Variants in SHROOM3 observed in about 807,000 individuals in gnomAD.
SHROOM3 encodes the protein shroom family member 3.
SHROOM3 carries 47 observed loss-of-function variants against 138.6 expected under a neutral mutation model. The observed-to-expected ratio is 0.34, with a 90% confidence interval of 0.27 to 0.43. SHROOM3 has a LOEUF of 0.43. Among genes scored for constraint, SHROOM3 ranks in the 20% least tolerant of loss-of-function variants. The pLI is 1.00. For synonymous variants in SHROOM3, 1,062 were observed against 1,063.3 expected, an observed-to-expected ratio of 1.00 and a Z score of 0.02; for missense variants, 2,491 against 2,596.5, an observed-to-expected ratio of 0.96 and a Z score of 0.88.
intron 4 of SHROOM3, among the ~76,000 whole-genome samples, chr4:76,732,267 T>C (rs1010159655): frequency 3.9e-5 from 6 of 152,066 alleles, no homozygotes; most frequent in Non-Finnish European, 8.8e-5. Context: ...TGCATGTGTG[T>C]TGGGGGGAGG....
intron 2 of SHROOM3, among the ~76,000 whole-genome samples, chr4:76,571,827 T>C (rs1423744209): frequency 6.6e-6 from 1 of 152,206 alleles, no homozygotes; most frequent in African/African-American, 2.4e-5. Flanking sequence ...TAAATGATGT[T>C]AGGATTCTGT....
chr4:76,465,360 T>G lies in SHROOM3; in HGVS notation c.168+29140T>G, dbSNP rs570925890. Among the ~76,000 whole-genome samples, 17 of 152,310 alleles carry G rather than the reference T, an allele frequency of 1.1e-4. No individual in the cohort carries two copies. The South Asian group carries it at 3.5e-3, about 32-fold the overall frequency. On this transcript the variant is annotated intron_variant, in intron 1 of 10. Transcript: ENST00000296043. ...TACACCTTTGGATCTGCTGCAGTGTTTATGCCAAGGCCATGCTCACCCCAG... is the reference window on the plus strand; with the variant it reads ...TACACCTTTGGATCTGCTGCAGTGTGTATGCCAAGGCCATGCTCACCCCAG...
intron 1 of SHROOM3, among the ~76,000 whole-genome samples, chr4:76,528,108 A>G (rs1215023113): frequency 1.3e-5 from 2 of 152,238 alleles, no homozygotes; most frequent in African/African-American, 2.4e-5. Context: ...AAATAGTAAC[A>G]GTGAATTAAT....
chr4:76,613,670 T>C (rs968795985), intron 2 of SHROOM3, among the ~76,000 whole-genome samples: 5 of 152,140 alleles, frequency 3.3e-5, no homozygotes, highest in African/African-American at 1.2e-4. Flanking sequence ...CCTCTTGTTA[T>C]AATGTTGATA....
intron 1 of SHROOM3, among the ~76,000 whole-genome samples, chr4:76,470,284 A>G (rs1731342455): frequency 6.6e-6 from 1 of 152,164 alleles, no homozygotes; most frequent in African/African-American, 2.4e-5. Flanking sequence ...TACTTTGAAA[A>G]CCACAAAGCA....
At chr4:76,754,272 C>A (rs1721728300) in intron 6 of SHROOM3, 39 bp from the exon 7 acceptor site, 1 of 1,613,792 alleles carries the variant, frequency 6.2e-7, no homozygotes, top group Non-Finnish European at 8.5e-7. Context: ...TTGCCCCTTT[C>A]TTCAGAGCTG....
At chr4:76,661,989 A>G (rs1197740187) in intron 2 of SHROOM3, among the ~76,000 whole-genome samples, 1 of 152,180 alleles carries the variant, frequency 6.6e-6, no homozygotes, top group Admixed American at 6.5e-5. Context: ...TAACCTTCCC[A>G]ACATGTGGTA....
Position 76,740,186 on chromosome 4 carries a change from T to G in SHROOM3, c.2013T>G (p.Ser671Arg). The change falls in exon 5 of 11, where the codon AGT becomes AGG. Residue 671 changes from serine (S) to arginine (R), a missense_variant. Transcript: ENST00000296043. This position sits in a 1 kb window ranked among gnomAD's most constrained non-coding sequence, Gnocchi z 4.0. ...AFSSLQNIPE[S>R]LRRHSSLELG... ...CATCTCTCCAGAACATTCCTGAGAG[T>G]CTGAGAAGACACAGCAGCCTGGAGC... 1.2e-6 allele frequency: 2 copies of G among 1,613,608 alleles called. No individual in the cohort carries two copies. Among genetic ancestry groups the G allele is most frequent in the Non-Finnish European group, 1.7e-6 (2 of 1,179,954 alleles).
At position 76,740,382 on chromosome 4, in the gene SHROOM3, A is replaced by T; in HGVS notation, c.2209A>T (p.Ser737Cys). ...GACCGGTGCCTCGGCTTCTTTCAAC[A>T]GCACAGACCCAAGTCCCGAAGAGCC... is the stretch of plus-strand genomic sequence containing the variant. ...GRTGASASFN[S>C]TDPSPEEPPA... Residue 737 changes from serine to cysteine, a missense_variant, in exon 5 of 11, where the codon AGC becomes TGC. By Grantham distance (112) the Ser-to-Cys change is moderately radical (BLOSUM62 -1). This residue lies in a region of SHROOM3 where 1,733 missense variants were observed against 1,661.6 expected (regional missense o/e 1.04). Transcript: ENST00000296043. This position sits in a 1 kb window ranked among gnomAD's most constrained non-coding sequence, Gnocchi z 4.0. 6.2e-7 allele frequency: 1 copy of T among 1,613,016 alleles called. No individual in the cohort carries two copies. Among genetic ancestry groups the T allele is most frequent in the Admixed American group, 1.7e-5 (1 of 60,026 alleles).
rs559891725 is a variant in SHROOM3, at chr4:76,600,056, G to A, written c.323+44293G>A. ...AGTCCCAGCTACTCAGGAGGCTGAG[G>A]TGGGAAGATGGCTTGAGCCCAGGAG... is the stretch of plus-strand genomic sequence containing the variant. On this transcript the variant is annotated intron_variant, in intron 2 of 10. Transcript: ENST00000296043. Among the ~76,000 whole-genome samples the A allele has an allele frequency of 2.6e-5, 4 of 152,304 alleles. 1 individual carries two copies. The highest frequency in any genetic ancestry group is 7.2e-5 in the African/African-American group (3 of 41,560).
Position 76,741,476 on chromosome 4 carries a change from C to A in SHROOM3, c.3303C>A (p.Ala1101=). Residue 1101 remains alanine, a synonymous_variant, in exon 5 of 11, where the codon GCC becomes GCA. Coordinates refer to ENST00000296043, the MANE Select transcript of SHROOM3 (RefSeq NM_020859.4). This position sits in a 1 kb window ranked among gnomAD's most constrained non-coding sequence, Gnocchi z 6.2. ...AGACCGGCAAGCGGCCTACCTCCGC[C>A]GCCGGCTGCAGCCTCCAGGAGCCCG... The part of the protein sequence containing the change: ...QRKTGKRPTS[A]AGCSLQEPGP... 1.3e-6 allele frequency: 2 copies of A among 1,561,416 alleles called. No homozygotes were observed. Among genetic ancestry groups the A allele is most frequent in the Non-Finnish European group, 1.7e-6 (2 of 1,157,228 alleles).
At chr4:76,607,514 A>G (rs1734647365) in intron 2 of SHROOM3, among the ~76,000 whole-genome samples, 1 of 152,196 alleles carries the variant, frequency 6.6e-6, no homozygotes, top group Non-Finnish European at 1.5e-5. Context: ...GGGAATGTCA[A>G]TATCTGAAGA....
chr4:76,506,838 TTTCTATTATGGAAGATGAACGTTTAA>T (rs1261338614), intron 1 of SHROOM3, among the ~76,000 whole-genome samples: 1 of 152,186 alleles, frequency 6.6e-6, no homozygotes, highest in Non-Finnish European at 1.5e-5. Context: ...ATCTATTGAC[TTTCTATTATGGAAGATGAACGTTTAA>T]CTCTCTTACA....
chr4:76,520,887 C>T (rs1732550264), intron 1 of SHROOM3, among the ~76,000 whole-genome samples: 1 of 152,172 alleles, frequency 6.6e-6, no homozygotes, highest in Non-Finnish European at 1.5e-5. Context: ...AGATCAATCA[C>T]CACAGCTTTT....
intron 1 of SHROOM3, among the ~76,000 whole-genome samples, chr4:76,527,027 A>G (rs909990063): frequency 6.6e-6 from 1 of 152,156 alleles, no homozygotes; most frequent in African/African-American, 2.4e-5. Flanking sequence ...TCGGAGGCAG[A>G]GAGCTGTTGC....
intron 2 of SHROOM3, among the ~76,000 whole-genome samples, chr4:76,603,776 C>A (rs1475276976): frequency 2.0e-5 from 3 of 151,878 alleles, no homozygotes; most frequent in African/African-American, 7.3e-5. Context: ...TGTTCCCCTC[C>A]CTGTGTCCAT....
intron 1 of SHROOM3, among the ~76,000 whole-genome samples, chr4:76,476,608 A>T (rs192927051): frequency 1.3e-5 from 2 of 152,218 alleles, no homozygotes; most frequent in African/African-American, 4.8e-5. Flanking sequence ...TTTACTTACT[A>T]TCAAAAGATC....
intron 1 of SHROOM3, among the ~76,000 whole-genome samples, chr4:76,548,779 T>A (rs1233699592): frequency 6.6e-6 from 1 of 152,224 alleles, no homozygotes; most frequent in Non-Finnish European, 1.5e-5. Flanking sequence ...GGTGTGGGTA[T>A]ATTTAGGATT....
intron 3 of SHROOM3, among the ~76,000 whole-genome samples, chr4:76,727,005 C>T (rs918921536): frequency 9.9e-5 from 15 of 152,138 alleles, no homozygotes; most frequent in Non-Finnish European, 1.9e-4. Context: ...TCTGAGGTCA[C>T]GGTCCATTGG....
Sources: gnomAD v4.1 joint callset for allele counts (sites outside exome capture counted in the v4.1 genomes callset) on GRCh38, gnomAD v4.1.1 for gene constraint, gnomAD v4.1.1 regional missense constraint, Gnocchi (gnomAD v3.1) non-coding constraint, MANE v1.5 for transcripts, NCBI Gene and HGNC (gene_info 2026-07-23, HGNC 2026-07-21) for gene names.